Variants in RHD observed in about 807,000 individuals in gnomAD.
The protein encoded by RHD is blood group Rh(D) polypeptide.
RHD carries 16 observed loss-of-function variants against 45.5 expected under a neutral mutation model. The ratio of observed to expected loss-of-function variants is 0.35; its 90% CI spans 0.24 to 0.53. RHD has a LOEUF of 0.53. RHD is among the 20% of genes least tolerant of loss of function. The probability of loss-of-function intolerance (pLI) is 0.92; values close to 1 mark genes in which losing one functional copy is unlikely to be tolerated. For missense variants in RHD, 306 were observed against 532.0 expected (o/e 0.58, Z 4.18); for synonymous variants, 131 against 217.5 (o/e 0.60, Z 3.50).
In RHD at chr1:25,318,585, C is replaced by CA. The variant is rs532453902; in HGVS notation, c.1153+1516dup. ...CCTAGGTGACAGAGTGAGACTGTCT[C>CA]AAAAAAAAAAGAAAGAAAATATACA... is the stretch of plus-strand genomic sequence containing the variant. On this transcript the variant is annotated intron_variant, in intron 8 of 9. Coordinates refer to ENST00000328664, the MANE Select transcript of RHD (RefSeq NM_016124.6). Among the ~76,000 whole-genome samples, 42 of 121,210 alleles carry CA rather than the reference C, an allele frequency of 3.5e-4. 3 individuals carry two copies. Among genetic ancestry groups the CA allele is most frequent in the African/African-American group, 6.1e-4 (22 of 35,846 alleles). The allele number at this position is 121,210 out of a possible 152,430, so 79.5% of individuals were successfully genotyped here.
rs1391538899 is a variant in RHD, at chr1:25,287,982, CA to C, written c.336-2656del. On this transcript the variant is annotated intron_variant, in intron 2 of 9. Transcript: ENST00000328664. Reference sequence around the variant, plus strand: ...AAGTGATCCACCTGCCTAGGCCTCCCAAAGTACTGGGATTACAGGCGTGAGC... The same window carrying C: ...AAGTGATCCACCTGCCTAGGCCTCCCAAGTACTGGGATTACAGGCGTGAGC... Among the ~76,000 whole-genome samples the C allele has an allele frequency of 1.5e-5, 2 of 132,600 alleles. 1 individual carries two copies. The highest frequency in any genetic ancestry group is 3.6e-5 in the Non-Finnish European group (2 of 55,940). 87.0% of individuals were successfully genotyped at this position (132,600 alleles called of 152,430 possible).
At chr1:25,298,543 C>A (rs1643123400) in intron 3 of RHD, among the ~76,000 whole-genome samples, 1 of 130,966 alleles carries the variant, frequency 7.6e-6, no homozygotes, top group African/African-American at 2.6e-5. Flanking sequence ...CCAAGAATCC[C>A]CAAGTGTTCT....
At position 25,306,513 on chromosome 1, in the gene RHD, C is replaced by T. The variant is rs1254925516; in HGVS notation, c.940-83C>T. On this transcript the variant is annotated intron_variant, in intron 6 of 9. Coordinates refer to ENST00000328664, the MANE Select transcript of RHD (RefSeq NM_016124.6). Reference sequence around the variant, plus strand: ...AGTGCCCATCCCCCTTTGGTGGCCCCGGATACCAAGGGTGTGTGAAAGGGG... The same window carrying T: ...AGTGCCCATCCCCCTTTGGTGGCCCTGGATACCAAGGGTGTGTGAAAGGGG... 2.1e-5 allele frequency: 26 copies of T among 1,264,286 alleles called. 7 individuals are homozygous for T. The highest frequency in any genetic ancestry group is 3.6e-5 in the Admixed American group (2 of 55,538). The allele number at this position is 1,264,286 out of a possible 1,614,324, so 78.3% of individuals were successfully genotyped here. A position where few individuals can be genotyped will look rare whatever the true frequency, so the allele number is the denominator to read the frequency against.
Position 25,319,337 on chromosome 1 carries a change from CA to C in RHD, c.1153+2260del, listed in dbSNP as rs1232660195. On this transcript the variant is annotated intron_variant, in intron 8 of 9. Coordinates refer to ENST00000328664, the MANE Select transcript of RHD (RefSeq NM_016124.6). ...ACATGAGCAAACTGGTGATTAAAAA[CA>C]ACTTGGGTGGCTCATACTTGTAATC... Among the ~76,000 whole-genome samples, 3 of 132,722 alleles carry C rather than the reference CA, an allele frequency of 2.3e-5. 1 individual carries two copies. The highest frequency in any genetic ancestry group is 5.4e-5 in the Non-Finnish European group (3 of 55,960). The allele number at this position is 132,722 out of a possible 152,430, so 87.1% of individuals were successfully genotyped here. A position where few individuals can be genotyped will look rare whatever the true frequency, so the allele number is the denominator to read the frequency against.
intron 3 of RHD, among the ~76,000 whole-genome samples, chr1:25,300,310 A>G (rs577396471): frequency 5.4e-5 from 7 of 130,062 alleles, no homozygotes; most frequent in Admixed American, 2.2e-4. Context: ...CCAGGAGTTC[A>G]AGACCAGCCT....
Position 25,285,602 on chromosome 1 carries a change from T to G in RHD, c.335+843T>G, listed in dbSNP as rs181832272. ...GTATGGTGCCAGAAGTCAGAATAGT[T>G]GTTACCTGGGCAGGAGGTGGATATT... On this transcript the variant is annotated intron_variant, in intron 2 of 9. Coordinates refer to ENST00000328664, the MANE Select transcript of RHD (RefSeq NM_016124.6). Among the ~76,000 whole-genome samples, 34 of 135,170 alleles carry G rather than the reference T, an allele frequency of 2.5e-4. 4 individuals carry two copies. Among genetic ancestry groups the G allele is most frequent in the African/African-American group, 7.4e-4 (29 of 39,106 alleles). The allele number at this position is 135,170 out of a possible 152,430, so 88.7% of individuals were successfully genotyped here. A position where few individuals can be genotyped will look rare whatever the true frequency, so the allele number is the denominator to read the frequency against.
chr1:25,306,475 T>C, intron 6 of RHD, 121 bp from the exon 7 acceptor site: 2 of 964,512 alleles, frequency 2.1e-6, no homozygotes, highest in Non-Finnish European at 3.3e-6. Context: ...AGGGCTTCTT[T>C]GAGGTGAGCC....
intron 3 of RHD, among the ~76,000 whole-genome samples, chr1:25,293,434 G>A (rs1260659050): frequency 3.1e-5 from 4 of 130,268 alleles, no homozygotes; most frequent in Admixed American, 7.5e-5. Context: ...CCATTGTGCG[G>A]AAATAACAAT....
chr1:25,308,328 AG>A (rs1255797169), intron 7 of RHD, among the ~76,000 whole-genome samples: 1 of 110,780 alleles, frequency 9.0e-6, no homozygotes, highest in Non-Finnish European at 2.1e-5. Flanking sequence ...TAGAAATGCA[AG>A]CCCTACCTAC....
chr1:25,291,291 G>A (rs1642482679), intron 3 of RHD, among the ~76,000 whole-genome samples: 1 of 129,648 alleles, frequency 7.7e-6, no homozygotes, highest in African/African-American at 2.6e-5. Context: ...CAACATGGGG[G>A]AACCTCATCT....
At chr1:25,283,693 G>A (rs1454113004) in intron 1 of RHD, among the ~76,000 whole-genome samples, 2 of 133,870 alleles carry the variant, frequency 1.5e-5, no homozygotes, top group Non-Finnish European at 3.5e-5. Context: ...TTAAAACAGC[G>A]TAGGCACATG....
rs771623094 is a variant in RHD at position 25,306,599 on chromosome 1, T to G, written c.943T>G (p.Cys315Gly). Residue 315 changes from cysteine (C) to glycine (G), a missense_variant, in exon 7 of 10, where the codon TGT becomes GGT. Physicochemically the swap from Cys to Gly is radical, Grantham distance 159. Coordinates refer to ENST00000328664, the MANE Select transcript of RHD (RefSeq NM_016124.6). ...TTATAATAACACTTGTCCACAGGGG[T>G]GTTGTAACCGAGTGCTGGGGATTCC... Reference protein sequence around the residue: ...SVGGAKYLPGCCNRVLGIPHS... With the variant: ...SVGGAKYLPGGCNRVLGIPHS... 1.5e-6 allele frequency: 2 copies of G among 1,377,798 alleles called. No homozygotes were observed. The highest frequency in any genetic ancestry group is 1.0e-6 in the Non-Finnish European group (1 of 978,396). 85.3% of individuals were successfully genotyped at this position (1,377,798 alleles called of 1,614,324 possible). A position where few individuals can be genotyped will look rare whatever the true frequency, so the allele number is the denominator to read the frequency against.
Position 25,305,672 on chromosome 1 carries a change from C to T in RHD, c.940-924C>T, listed in dbSNP as rs1643764012. 1.5e-5 allele frequency among the ~76,000 whole-genome samples: 2 copies of T among 129,172 alleles called. 1 individual carries two copies. The highest frequency in any genetic ancestry group is 4.8e-4 in the South Asian group (2 of 4,186). The allele number at this position is 129,172 out of a possible 152,430, so 84.7% of individuals were successfully genotyped here. A position where few individuals can be genotyped will look rare whatever the true frequency, so the allele number is the denominator to read the frequency against. On this transcript the variant is annotated intron_variant, in intron 6 of 9. Transcript: ENST00000328664. Reference sequence around the variant, plus strand: ...CTGGAGTGCAGTGGCGCCATCTCAGCTTACTGCAAGCTCCGCCTCCCGGGT... The same window carrying T: ...CTGGAGTGCAGTGGCGCCATCTCAGTTTACTGCAAGCTCCGCCTCCCGGGT...
At position 25,282,958 on chromosome 1, in the gene RHD, C is replaced by T. The variant is rs114734368; in HGVS notation, c.149-1615C>T. On this transcript the variant is annotated intron_variant, in intron 1 of 9. Coordinates refer to ENST00000328664, the MANE Select transcript of RHD (RefSeq NM_016124.6). ...AAACACTAAAACTAAAAAAGTAAAACACCTCCCAAACTTAGAGACAATATT... is the reference window on the plus strand; with the variant it reads ...AAACACTAAAACTAAAAAAGTAAAATACCTCCCAAACTTAGAGACAATATT... 3.2e-3 allele frequency among the ~76,000 whole-genome samples: 424 copies of T among 131,748 alleles called. 61 individuals are homozygous for T. Among genetic ancestry groups the T allele is most frequent in the African/African-American group, 0.01 (404 of 38,768 alleles). The allele number at this position is 131,748 out of a possible 152,430, so 86.4% of individuals were successfully genotyped here.
intron 7 of RHD, among the ~76,000 whole-genome samples, chr1:25,308,202 A>T (rs1643951127): frequency 8.4e-6 from 1 of 118,744 alleles, no homozygotes; most frequent in Non-Finnish European, 2.0e-5. Context: ...CAAGATTGTT[A>T]GTAACACTGT....
intron 7 of RHD, chr1:25,307,924 T>G (rs1293382234): frequency 1.1e-6 from 1 of 922,406 alleles, no homozygotes; most frequent in Non-Finnish European, 1.6e-6. Flanking sequence ...ACTGTGCAAT[T>G]CTAAGCAGAA....
chr1:25,296,838 A>G (rs987050145), intron 3 of RHD, among the ~76,000 whole-genome samples: 2 of 127,008 alleles, frequency 1.6e-5, no homozygotes, highest in African/African-American at 5.3e-5. Flanking sequence ...CTCCCCGGCC[A>G]TGCCAAACTG....
chr1:25,318,568 AC>A lies in RHD; in HGVS notation c.1153+1490del, dbSNP rs1334381583. 1.5e-5 allele frequency among the ~76,000 whole-genome samples: 2 copies of A among 131,362 alleles called. 1 individual carries two copies. The highest frequency in any genetic ancestry group is 3.6e-5 in the Non-Finnish European group (2 of 55,504). 86.2% of individuals were successfully genotyped at this position (131,362 alleles called of 152,430 possible). A position where few individuals can be genotyped will look rare whatever the true frequency, so the allele number is the denominator to read the frequency against. On this transcript the variant is annotated intron_variant, in intron 8 of 9. Transcript: ENST00000328664. ...GCACCACTGCCCTCCAGCCTAGGTG[AC>A]AGAGTGAGACTGTCTCAAAAAAAAA...
At position 25,315,332 on chromosome 1, in the gene RHD, T is replaced by C. The variant is rs1005616731; in HGVS notation, c.1074-1668T>C. ...TTGGAGCTGGGGAGGAAGCAAACTA[T>C]TGAAGATATACAAAGATGGCAAAGA... On this transcript the variant is annotated intron_variant, in intron 7 of 9. Transcript: ENST00000328664. 2.0e-4 allele frequency among the ~76,000 whole-genome samples: 26 copies of C among 129,066 alleles called. 7 individuals are homozygous for C. Among genetic ancestry groups the C allele is most frequent in the Admixed American group, 3.0e-4 (4 of 13,234 alleles). 84.7% of individuals were successfully genotyped at this position (129,066 alleles called of 152,430 possible).
Sources: gnomAD v4.1 joint callset for allele counts (sites outside exome capture counted in the v4.1 genomes callset) on GRCh38, gnomAD v4.1.1 for gene constraint, MANE v1.5 for transcripts, NCBI Gene and HGNC (gene_info 2026-07-23, HGNC 2026-07-21) for gene names.